The following METTL2B variants were observed in gnomAD, a reference collection of about 807,000 sequenced individuals.
The protein encoded by METTL2B is tRNA N(3)-cytidine methyltransferase METTL2B.
A neutral mutation model predicts 51.0 loss-of-function variants in METTL2B; 28 were observed. That is an observed-to-expected ratio of 0.55 (90% CI 0.41 to 0.75). The LOEUF (loss-of-function observed/expected upper bound fraction) is 0.75. METTL2B is among the 30% of genes least tolerant of loss of function. The probability of loss-of-function intolerance (pLI) is 0.00; values close to 1 mark genes in which losing one functional copy is unlikely to be tolerated. For missense variants in METTL2B, 313 were observed against 460.7 expected (o/e 0.68, Z 2.93); for synonymous variants, 128 against 166.3 (o/e 0.77, Z 1.77).
At chr7:128,495,060 G>A (rs1249955211) in intron 6 of METTL2B, among the ~76,000 whole-genome samples, 2 of 149,502 alleles carry the variant, frequency 1.3e-5, no homozygotes, top group Non-Finnish European at 3.0e-5. Flanking sequence ...GATTACAGGT[G>A]TATGCCACCA....
chr7:128,491,778 A>AT (rs1269891266), intron 5 of METTL2B, among the ~76,000 whole-genome samples: 1 of 151,186 alleles, frequency 6.6e-6, no homozygotes, highest in Non-Finnish European at 1.5e-5. Context: ...AAAAAAAAAA[A>AT]AGGGTCTGTC....
intron 7 of METTL2B, among the ~76,000 whole-genome samples, chr7:128,499,370 C>G (rs934445882): frequency 1.3e-5 from 2 of 150,596 alleles, no homozygotes; most frequent in African/African-American, 4.9e-5. Context: ...TTTTTTTTTT[C>G]AGATGGAGTT....
In METTL2B at chr7:128,503,787, C is replaced by T. The variant is rs889192197; in HGVS notation, c.*1871C>T. ...CTGAGGTGGGCAGATCACTTGAGGT[C>T]AGGAGTTCCAGTCCAGCCCGGCTAA... On this transcript the variant is annotated 3_prime_UTR_variant, in exon 9 of 9. Coordinates refer to ENST00000262432, the MANE Select transcript of METTL2B (RefSeq NM_018396.3). 1 of 152,110 alleles carries T rather than the reference C, an allele frequency of 6.6e-6. No individual in the cohort carries two copies. Among genetic ancestry groups the T allele is most frequent in the Non-Finnish European group, 1.5e-5 (1 of 68,024 alleles). The allele number at this position is 152,110 out of a possible 1,614,324, so 9.4% of individuals were successfully genotyped here.
chr7:128,505,026 G>T lies in METTL2B; in HGVS notation c.*3110G>T, dbSNP rs1417595049. 1 of 151,660 alleles carries T rather than the reference G, an allele frequency of 6.6e-6. No homozygotes were observed. Among genetic ancestry groups the T allele is most frequent in the Non-Finnish European group, 1.5e-5 (1 of 68,238 alleles). The allele number at this position is 151,660 out of a possible 1,614,324, so 9.4% of individuals were successfully genotyped here. ...GCAGGAGAATCACTTGAATCTGGGA[G>T]GCAGAGGTTGCAGTGAGCCGAGATG... On this transcript the variant is annotated 3_prime_UTR_variant, in exon 9 of 9. Coordinates refer to ENST00000262432, the MANE Select transcript of METTL2B (RefSeq NM_018396.3).
intron 5 of METTL2B, among the ~76,000 whole-genome samples, chr7:128,489,133 T>C (rs931095911): frequency 3.3e-5 from 5 of 150,420 alleles, no homozygotes; most frequent in Non-Finnish European, 7.4e-5. Flanking sequence ...AAAATAAAGA[T>C]AAAAATACGT....
At position 128,498,988 on chromosome 7, in the gene METTL2B, ACT is replaced by A. The variant is rs947217392; in HGVS notation, c.916+849_916+850del. Among the ~76,000 whole-genome samples the A allele has an allele frequency of 2.3e-4, 34 of 146,528 alleles. 1 individual carries two copies. Among genetic ancestry groups the A allele is most frequent in the Middle Eastern group, 3.5e-3 (1 of 284 alleles). ...CTCCAGCCTGGGCAACAAGAGTGAA[ACT>A]CTGTCTCAAAAAAAAAAAAAAAGAC... On this transcript the variant is annotated intron_variant, in intron 7 of 8. Coordinates refer to ENST00000262432, the MANE Select transcript of METTL2B (RefSeq NM_018396.3).
chr7:128,504,812 A>G lies in METTL2B; in HGVS notation c.*2896A>G, dbSNP rs1342919200. ...TAATGAAACCCCATCTCTGCTAACA[A>G]TACAGACCAGGCATGGTGGCTCACA... On this transcript the variant is annotated 3_prime_UTR_variant, in exon 9 of 9. Transcript: ENST00000262432. 2.0e-5 allele frequency: 3 copies of G among 151,790 alleles called. No individual in the cohort carries two copies. The highest frequency in any genetic ancestry group is 2.1e-4 in the South Asian group (1 of 4,824). 9.4% of individuals were successfully genotyped at this position (151,790 alleles called of 1,614,324 possible).
At position 128,478,331 on chromosome 7, in the gene METTL2B, A is replaced by G. The variant is rs1300120562; in HGVS notation, c.203-827A>G. On this transcript the variant is annotated intron_variant, in intron 2 of 8. Transcript: ENST00000262432. ...AGTGGCGCGATCTCAGCTCACTGCA[A>G]TCTCCTCCTCCCTGGTTGAAGCGAT... Among the ~76,000 whole-genome samples the G allele has an allele frequency of 4.6e-5, 7 of 151,068 alleles. No homozygotes were observed. The East Asian group carries it at 1.4e-3, about 30-fold the overall frequency.
intron 4 of METTL2B, among the ~76,000 whole-genome samples, chr7:128,487,301 T>G (rs2562737): frequency 2.6e-5 from 4 of 152,036 alleles, no homozygotes; most frequent in African/African-American, 9.7e-5. Context: ...TCACTCAAAT[T>G]ATGAGCCCAA....
chr7:128,484,232 T>TGTTTTTTTTTG lies in METTL2B; in HGVS notation c.608+3536_608+3537insGTTTTTTTTTG, dbSNP rs775981883. The stretch of plus-strand genomic sequence containing the variant: ...TGCCTAGATCCTTTTTTTTTTTTTT[T>TGTTTTTTTTTG]TTTTTTTTTTTTTGAGACAGGATTT... On this transcript the variant is annotated intron_variant, in intron 4 of 8. Transcript: ENST00000262432. 28 of 83,574 alleles carry TGTTTTTTTTTG rather than the reference T, an allele frequency of 3.4e-4. 1 individual carries two copies. In the East Asian group the frequency reaches 5.6e-3, roughly 17 times the overall value. 5.2% of individuals were successfully genotyped at this position (83,574 alleles called of 1,614,324 possible).
intron 3 of METTL2B, 105 bp from the exon 4 acceptor site, chr7:128,480,542 T>C: frequency 6.4e-7 from 1 of 1,557,894 alleles, no homozygotes; most frequent in Non-Finnish European, 8.7e-7. Context: ...CCTTCCCTAA[T>C]ACAGTTAGGC....
At chr7:128,498,625 CT>C in intron 7 of METTL2B, among the ~76,000 whole-genome samples, 1 of 151,890 alleles carries the variant, frequency 6.6e-6, no homozygotes, top group Non-Finnish European at 1.5e-5. Flanking sequence ...TTTAAGAAAA[CT>C]GAAGAGGCTT....
chr7:128,498,431 G>A (rs544166847), intron 7 of METTL2B, among the ~76,000 whole-genome samples: 5 of 151,316 alleles, frequency 3.3e-5, no homozygotes, highest in Admixed American at 6.6e-5. Context: ...TCCATGGCAC[G>A]TGTATACATA....
intron 6 of METTL2B, among the ~76,000 whole-genome samples, chr7:128,495,597 G>A (rs1351297169): frequency 6.6e-6 from 1 of 151,836 alleles, no homozygotes; most frequent in Non-Finnish European, 1.5e-5. Flanking sequence ...ATTCAGACAA[G>A]CACCACCACA....
Position 128,503,890 on chromosome 7 carries a change from CA to C in METTL2B, c.*1975del, listed in dbSNP as rs1793075139. ...GTGGGCGCCTGTAATCCCAGCTACTCAGGAGGCTGAGGTAGGAGAATTGCTT... is the reference window on the plus strand; with the variant it reads ...GTGGGCGCCTGTAATCCCAGCTACTCGGAGGCTGAGGTAGGAGAATTGCTT... On this transcript the variant is annotated 3_prime_UTR_variant, in exon 9 of 9. Coordinates refer to ENST00000262432, the MANE Select transcript of METTL2B (RefSeq NM_018396.3). The C allele has an allele frequency of 6.6e-6, 1 of 152,022 alleles. No individual in the cohort carries two copies. Among genetic ancestry groups the C allele is most frequent in the Admixed American group, 6.6e-5 (1 of 15,234 alleles). 9.4% of individuals were successfully genotyped at this position (152,022 alleles called of 1,614,324 possible).
intron 3 of METTL2B, among the ~76,000 whole-genome samples, chr7:128,479,992 A>C (rs1428986104): frequency 3.3e-5 from 5 of 152,154 alleles, no homozygotes; most frequent in African/African-American, 9.7e-5. Context: ...GACCTGGAAA[A>C]ATGTCTAGAT....
chr7:128,495,054 A>T (rs1792899988), intron 6 of METTL2B, among the ~76,000 whole-genome samples: 1 of 150,350 alleles, frequency 6.7e-6, no homozygotes, highest in African/African-American at 2.5e-5. Context: ...AGCTGGGATT[A>T]CAGGTGTATG....
chr7:128,476,904 G>A, intron 1 of METTL2B, 29 bp downstream of exon 1: 1 of 1,612,276 alleles, frequency 6.2e-7, no homozygotes, highest in Non-Finnish European at 8.5e-7. Flanking sequence ...CGCCCGGCCT[G>A]TCGCTGGCCG....
Position 128,488,655 on chromosome 7 carries a change from C to T in METTL2B, c.669+494C>T, listed in dbSNP as rs1204386199. The T allele has an allele frequency of 1.3e-5, 5 of 374,304 alleles. No individual in the cohort carries two copies. In the Admixed American group the frequency reaches 1.7e-4, roughly 13 times the overall value. The allele number at this position is 374,304 out of a possible 1,614,324, so 23.2% of individuals were successfully genotyped here. ...CCTCAGGTCTCCTTGTTCTCTAAGA[C>T]ACAATATTGCAATTAGGCCACTTCA... is the stretch of plus-strand genomic sequence containing the variant. On this transcript the variant is annotated intron_variant, in intron 5 of 8. Transcript: ENST00000262432.
Sources: allele counts gnomAD v4.1 joint callset (sites outside exome capture counted in the v4.1 genomes callset), GRCh38; gene constraint gnomAD v4.1.1; transcripts MANE v1.5; gene names NCBI Gene and HGNC (gene_info 2026-07-23, HGNC 2026-07-21).